Variants in SMYD3 observed in about 807,000 individuals in gnomAD.
SMYD3 encodes the protein SET and MYND domain containing 3.
SMYD3 carries 36 observed loss-of-function variants against 57.7 expected under a neutral mutation model. The ratio of observed to expected loss-of-function variants is 0.62; its 90% CI spans 0.48 to 0.82. The LOEUF (loss-of-function observed/expected upper bound fraction) is 0.82. SMYD3 is among the 40% of genes least tolerant of loss of function. The pLI, the probability that SMYD3 is intolerant of heterozygous loss-of-function variation, is 0.00. For missense variants in SMYD3, 515 were observed against 538.8 expected, an observed-to-expected ratio of 0.96 and a Z score of 0.44; for synonymous variants, 211 against 195.0, an observed-to-expected ratio of 1.08 and a Z score of -0.68.
chr1:246,079,553 G>A (rs2788014), intron 5 of SMYD3, among the ~76,000 whole-genome samples: 56,743 of 151,944 alleles, frequency 0.37, 13,440 homozygotes, highest in African/African-American at 0.67. Context: ...GTAAGTTTCC[G>A]CATAGTTCAC....
chr1:245,861,239 G>A (rs1461289292), intron 9 of SMYD3, among the ~76,000 whole-genome samples: 1 of 152,240 alleles, frequency 6.6e-6, no homozygotes, highest in Non-Finnish European at 1.5e-5. Flanking sequence ...CCTGGCATCT[G>A]TGTGGTGTTT....
chr1:246,219,645 T>C (rs901682085), intron 5 of SMYD3, among the ~76,000 whole-genome samples: 9 of 152,094 alleles, frequency 5.9e-5, no homozygotes, highest in Non-Finnish European at 1.2e-4. Flanking sequence ...AGAGGGCCCA[T>C]TGAGCTGTTA....
intron 1 of SMYD3, among the ~76,000 whole-genome samples, chr1:246,478,525 A>G (rs34993482): frequency 1.9e-4 from 19 of 101,766 alleles, no homozygotes; most frequent in South Asian, 3.3e-4. Flanking sequence ...GAGCTGGTAC[A>G]TAAGTGCTCA....
At chr1:246,227,820 A>C (rs1558330623) in intron 5 of SMYD3, among the ~76,000 whole-genome samples, 1 of 152,166 alleles carries the variant, frequency 6.6e-6, no homozygotes, top group Non-Finnish European at 1.5e-5. Flanking sequence ...ATTAGTTTAC[A>C]CATAAGTATT....
chr1:246,255,035 T>C (rs989610133), intron 5 of SMYD3, among the ~76,000 whole-genome samples: 1 of 152,194 alleles, frequency 6.6e-6, no homozygotes, highest in African/African-American at 2.4e-5. Flanking sequence ...TGGTGGAGTC[T>C]TTGGGACTTT....
At chr1:246,161,121 C>T (rs558792076) in intron 5 of SMYD3, among the ~76,000 whole-genome samples, 6 of 152,274 alleles carry the variant, frequency 3.9e-5, no homozygotes, top group African/African-American at 1.2e-4. Context: ...CCACCCCGCT[C>T]CACCCTGCGC....
At chr1:245,880,883 C>T (rs2052743569) in intron 8 of SMYD3, among the ~76,000 whole-genome samples, 3 of 152,198 alleles carry the variant, frequency 2.0e-5, no homozygotes, top group Admixed American at 1.3e-4. Flanking sequence ...ACTTTACAAT[C>T]ACAGTTGCCC....
At chr1:246,121,103 C>T (rs969229233) in intron 5 of SMYD3, among the ~76,000 whole-genome samples, 7 of 152,158 alleles carry the variant, frequency 4.6e-5, no homozygotes, top group African/African-American at 1.7e-4. Context: ...GACAGAACAT[C>T]ATGTTGTGTC....
At chr1:246,064,232 G>A (rs1002348633) in intron 5 of SMYD3, among the ~76,000 whole-genome samples, 4 of 152,086 alleles carry the variant, frequency 2.6e-5, no homozygotes, top group Non-Finnish European at 4.4e-5. Flanking sequence ...GCTCTTTGCC[G>A]GGAAGGCTGC....
At chr1:246,065,865 T>G (rs150917325) in intron 5 of SMYD3, among the ~76,000 whole-genome samples, 34 of 152,346 alleles carry the variant, frequency 2.2e-4, no homozygotes, top group African/African-American at 7.7e-4. Context: ...AAGGAACTTA[T>G]AGCCACGTAG....
chr1:246,211,636 G>A (rs1239575026), intron 5 of SMYD3, among the ~76,000 whole-genome samples: 1 of 152,018 alleles, frequency 6.6e-6, no homozygotes, highest in Non-Finnish European at 1.5e-5. Context: ...AATAAAAGGG[G>A]GAAGAGGTAG....
chr1:246,001,986 C>T (rs2059057649), intron 5 of SMYD3, among the ~76,000 whole-genome samples: 1 of 152,136 alleles, frequency 6.6e-6, no homozygotes, highest in Admixed American at 6.5e-5. Context: ...CAAGAGATCA[C>T]AGATACTTTG....
chr1:246,054,757 A>T (rs1460076887), intron 5 of SMYD3, among the ~76,000 whole-genome samples: 1 of 151,792 alleles, frequency 6.6e-6, no homozygotes, highest in Non-Finnish European at 1.5e-5. Flanking sequence ...TACAAAGAAG[A>T]TATATAGATG....
chr1:246,373,586 G>T (rs1379786383), intron 1 of SMYD3, among the ~76,000 whole-genome samples: 14 of 152,116 alleles, frequency 9.2e-5, no homozygotes, highest in African/African-American at 3.1e-4. Context: ...AATAGTTCTG[G>T]ATTTAATATC....
chr1:245,949,112 CCTGCCATTGCTA>C (rs1270137626), intron 5 of SMYD3, among the ~76,000 whole-genome samples: 1 of 152,222 alleles, frequency 6.6e-6, no homozygotes. Flanking sequence ...AGGGGATCCT[CCTGCCATTGCTA>C]CTGCCATTGC....
At position 246,315,273 on chromosome 1, in the gene SMYD3, CAACTT is replaced by C. The variant is rs376196223; in HGVS notation, c.531+11923_531+11927del. 1.2e-3 allele frequency among the ~76,000 whole-genome samples: 179 copies of C among 152,258 alleles called. 2 individuals are homozygous for C. Among genetic ancestry groups the C allele is most frequent in the African/African-American group, 4.1e-3 (169 of 41,550 alleles). On this transcript the variant is annotated intron_variant, in intron 5 of 11. Transcript: ENST00000490107. The stretch of plus-strand genomic sequence containing the variant: ...TGGGAACCTAAGAAAAAAGGACAGA[CAACTT>C]AGAAAGTAGGGGATAGTCACAGTTG...
intron 5 of SMYD3, among the ~76,000 whole-genome samples, chr1:246,022,449 T>C (rs764929072): frequency 3.3e-5 from 5 of 152,142 alleles, no homozygotes; most frequent in Non-Finnish European, 7.3e-5. Context: ...AATCCTGACT[T>C]TGACACACAC....
intron 1 of SMYD3, among the ~76,000 whole-genome samples, chr1:246,367,656 T>C (rs1225273884): frequency 6.6e-6 from 1 of 152,150 alleles, no homozygotes; most frequent in Non-Finnish European, 1.5e-5. Flanking sequence ...GCTCTCGAAC[T>C]CCTGGCCTCA....
chr1:246,207,680 A>G (rs2063022486), intron 5 of SMYD3, among the ~76,000 whole-genome samples: 1 of 152,208 alleles, frequency 6.6e-6, no homozygotes, highest in Non-Finnish European at 1.5e-5. Flanking sequence ...TCTGAAGTCT[A>G]CAAAATTATA....
Sources: gnomAD v4.1 joint callset for allele counts (sites outside exome capture counted in the v4.1 genomes callset) on GRCh38, gnomAD v4.1.1 for gene constraint, MANE v1.5 for transcripts, NCBI Gene and HGNC (gene_info 2026-07-23, HGNC 2026-07-21) for gene names.